Variants in PTPN12 observed in about 807,000 individuals in gnomAD.
PTPN12 encodes the protein protein tyrosine phosphatase non-receptor type 12.
In PTPN12, 29 loss-of-function variants were observed where a neutral mutation model predicts 97.6. The ratio of observed to expected loss-of-function variants is 0.30; its 90% CI spans 0.22 to 0.41. PTPN12 has a LOEUF of 0.41. Among genes scored for constraint, PTPN12 ranks in the 10% least tolerant of loss-of-function variants. The probability of loss-of-function intolerance (pLI) is 1.00; values close to 1 mark genes in which losing one functional copy is unlikely to be tolerated. For missense variants in PTPN12, 819 were observed against 926.0 expected (o/e 0.88, Z 1.50); for synonymous variants, 327 against 300.4 (o/e 1.09, Z -0.91).
chr7:77,592,005 A>G (rs1006579258), intron 5 of PTPN12, among the ~76,000 whole-genome samples, 180 bp from the exon 6 acceptor site: 3 of 152,196 alleles, frequency 2.0e-5, no homozygotes, highest in Non-Finnish European at 4.4e-5. Context: ...GAGAAGACAC[A>G]GTAGCCTATT....
intron 4 of PTPN12, chr7:77,585,241 T>G (rs999547784): frequency 5.1e-5 from 10 of 196,966 alleles, no homozygotes; most frequent in African/African-American, 2.3e-4. Context: ...ATCCTAAAAG[T>G]GATATTTTAA....
rs115247105 is a variant in PTPN12, at chr7:77,594,141, T to A, written c.492+1885T>A. Among the ~76,000 whole-genome samples the A allele has an allele frequency of 9.4e-3, 1,428 of 152,288 alleles. 29 individuals are homozygous for A. Among genetic ancestry groups the A allele is most frequent in the African/African-American group, 0.033 (1,351 of 41,556 alleles). Reference sequence around the variant, plus strand: ...TAGTCAATATTCTTAAGGTGCTGATTAGAATTAACTATTTGTGGGGTAAAT... The same window carrying A: ...TAGTCAATATTCTTAAGGTGCTGATAAGAATTAACTATTTGTGGGGTAAAT... On this transcript the variant is annotated intron_variant, in intron 6 of 17. Transcript: ENST00000248594.
chr7:77,593,188 G>C (rs1311336605), intron 6 of PTPN12, among the ~76,000 whole-genome samples: 1 of 151,672 alleles, frequency 6.6e-6, no homozygotes, highest in African/African-American at 2.4e-5. Flanking sequence ...AGAATTGCTT[G>C]AATCTGGGAG....
intron 4 of PTPN12, among the ~76,000 whole-genome samples, chr7:77,584,492 C>T (rs1015627161): frequency 2.0e-5 from 3 of 152,086 alleles, no homozygotes; most frequent in African/African-American, 7.2e-5. Flanking sequence ...TGTATTTGTC[C>T]AAACTCGGAG....
At chr7:77,635,881 C>T (rs372681228) in intron 15 of PTPN12, 32 bp downstream of exon 15, 19 of 1,425,232 alleles carry the variant, frequency 1.3e-5, no homozygotes, top group Admixed American at 2.1e-5. Context: ...ACAGTTATAG[C>T]TTAACATTTC....
intron 2 of PTPN12, 143 bp from the exon 3 acceptor site, chr7:77,581,284 T>G (rs943009807): frequency 1.7e-5 from 8 of 461,938 alleles, no homozygotes; most frequent in African/African-American, 1.6e-4. Flanking sequence ...TGTTAGAAAT[T>G]ACCCTGCTGG....
At chr7:77,598,770 T>C (rs1485981115) in intron 7 of PTPN12, among the ~76,000 whole-genome samples, 1 of 151,618 alleles carries the variant, frequency 6.6e-6, no homozygotes, top group Non-Finnish European at 1.5e-5. Context: ...AAAATGGGTT[T>C]GCTAGAAAAT....
intron 1 of PTPN12, among the ~76,000 whole-genome samples, chr7:77,545,410 A>G (rs1476963656): frequency 6.6e-6 from 1 of 152,174 alleles, no homozygotes; most frequent in African/African-American, 2.4e-5. Flanking sequence ...TATTAAAAAT[A>G]TAAGTTAAAA....
chr7:77,612,087 A>G (rs1234354186), intron 11 of PTPN12, among the ~76,000 whole-genome samples: 1 of 151,944 alleles, frequency 6.6e-6, no homozygotes, highest in African/African-American at 2.4e-5. Flanking sequence ...AAAATTTATA[A>G]CCTTCATTTT....
intron 7 of PTPN12, among the ~76,000 whole-genome samples, chr7:77,598,486 A>G (rs1012700055): frequency 6.6e-6 from 1 of 152,174 alleles, no homozygotes; most frequent in East Asian, 1.9e-4. Context: ...GTTCAAGACC[A>G]GCCTGGCCAA....
At chr7:77,616,865 C>G (rs1431419394) in intron 11 of PTPN12, among the ~76,000 whole-genome samples, 3 of 152,120 alleles carry the variant, frequency 2.0e-5, no homozygotes, top group African/African-American at 7.2e-5. Flanking sequence ...TTACTGCAAC[C>G]TCTGCCTCTC....
intron 11 of PTPN12, among the ~76,000 whole-genome samples, chr7:77,615,485 G>C (rs570723645): frequency 6.6e-6 from 1 of 152,308 alleles, no homozygotes; most frequent in East Asian, 1.9e-4. Context: ...CTCATTTCAT[G>C]CCTATAATCC....
At chr7:77,541,549 AG>A in intron 1 of PTPN12, among the ~76,000 whole-genome samples, 1 of 152,318 alleles carries the variant, frequency 6.6e-6, no homozygotes. Flanking sequence ...CAGGAGTACT[AG>A]GTAGACGTAT....
At chr7:77,568,059 C>T (rs1192703558) in intron 1 of PTPN12, among the ~76,000 whole-genome samples, 3 of 152,018 alleles carry the variant, frequency 2.0e-5, no homozygotes, top group African/African-American at 7.3e-5. Context: ...TTTTATGGAC[C>T]ACTTTTGTAT....
chr7:77,625,472 G>GCTCGCGCTCTCTCTCTCTCTCT lies in PTPN12; in HGVS notation c.1026-1230_1026-1229insGCGCTCTCTCTCTCTCTCTCTC. Reference sequence around the variant, plus strand: ...TTTTGCCATATTGCCCAGGCTGCTCGCTCTCTCTCTCTCTCTCTCTCTCTC... The same window carrying GCTCGCGCTCTCTCTCTCTCTCT: ...TTTTGCCATATTGCCCAGGCTGCTCGCTCGCGCTCTCTCTCTCTCTCTCTCTCTCTCTCTCTCTCTCTCTCTC... On this transcript the variant is annotated intron_variant, in intron 12 of 17. Transcript: ENST00000248594. Among the ~76,000 whole-genome samples, 200 of 33,510 alleles carry GCTCGCGCTCTCTCTCTCTCTCT rather than the reference G, an allele frequency of 6.0e-3. 35 individuals are homozygous for GCTCGCGCTCTCTCTCTCTCTCT. The highest frequency in any genetic ancestry group is 0.014 in the Admixed American group (28 of 1,982). 22.0% of individuals were successfully genotyped at this position (33,510 alleles called of 152,430 possible). A position where few individuals can be genotyped will look rare whatever the true frequency, so the allele number is the denominator to read the frequency against.
chr7:77,635,377 C>T (rs1239402319), intron 14 of PTPN12, among the ~76,000 whole-genome samples: 4 of 152,222 alleles, frequency 2.6e-5, no homozygotes, highest in South Asian at 2.1e-4. Flanking sequence ...TCCAGTGAGC[C>T]GAGATCGCGC....
At chr7:77,544,805 T>A (rs184347907) in intron 1 of PTPN12, among the ~76,000 whole-genome samples, 101 of 152,358 alleles carry the variant, frequency 6.6e-4, no homozygotes, top group African/African-American at 2.2e-3. Context: ...GGCACTAATG[T>A]CCATTGCATG....
intron 1 of PTPN12, among the ~76,000 whole-genome samples, chr7:77,544,017 T>G (rs1807108747): frequency 2.6e-5 from 4 of 152,212 alleles, no homozygotes; most frequent in African/African-American, 9.6e-5. Context: ...TCAGGTCTCT[T>G]GGGTATATAT....
chr7:77,605,130 A>G (rs1031291856), intron 8 of PTPN12, among the ~76,000 whole-genome samples: 6 of 152,146 alleles, frequency 3.9e-5, no homozygotes, highest in Non-Finnish European at 7.4e-5. Context: ...AAAAATTAAT[A>G]TAATTGATTA....
Sources: allele counts gnomAD v4.1 joint callset (sites outside exome capture counted in the v4.1 genomes callset), GRCh38; gene constraint gnomAD v4.1.1; transcripts MANE v1.5; gene names NCBI Gene and HGNC (gene_info 2026-07-23, HGNC 2026-07-21).